The following NCAM1 variants were observed in gnomAD, a reference collection of about 807,000 sequenced individuals.
NCAM1 encodes antigen recognized by monoclonal antibody 5.1H11.
NCAM1 carries 14 observed loss-of-function variants against 109.8 expected under a neutral mutation model. The observed-to-expected ratio is 0.13, with a 90% CI of 0.08 to 0.20. The LOEUF (loss-of-function observed/expected upper bound fraction) is 0.20, where lower values mean the gene tolerates loss of function less well. Ranked by LOEUF, NCAM1 falls within the 10% of genes least tolerant of loss-of-function variation. NCAM1 has a pLI of 1.00. For missense variants in NCAM1, 774 were observed against 1,109.9 expected, an observed-to-expected ratio of 0.70 and a Z score of 4.30; for synonymous variants, 418 against 442.9, an observed-to-expected ratio of 0.94 and a Z score of 0.70.
intron 1 of NCAM1, among the ~76,000 whole-genome samples, chr11:112,976,304 A>T (rs1473998602): frequency 2.0e-5 from 3 of 151,932 alleles, no homozygotes; most frequent in Non-Finnish European, 4.4e-5. Context: ...ATTTAAAATG[A>T]TGAGTTCCAC....
In NCAM1 at chr11:113,270,386, C is replaced by T; in HGVS notation, c.2330C>T (p.Ala777Val). 6.2e-7 allele frequency: 1 copy of T among 1,613,990 alleles called. No individual in the cohort carries two copies. Among genetic ancestry groups the T allele is most frequent in the Non-Finnish European group, 8.5e-7 (1 of 1,179,882 alleles). ...GGCAAGGACATGGAGGAGGGCAAGGCCGCCTTCTCGTGAGTGCAGACCTGT... is the reference window on the plus strand; with the variant it reads ...GGCAAGGACATGGAGGAGGGCAAGGTCGCCTTCTCGTGAGTGCAGACCTGT... The part of the protein sequence containing the change: ...AKGKDMEEGK[A>V]AFSKDESKEP... The change falls in exon 18 of 20, where the codon GCC becomes GTC. Residue 777 changes from alanine to valine, a missense_variant. Around this residue, in one of 4 missense-constraint regions of NCAM1, gnomAD observed 122 missense variants for 129.7 expected, o/e 0.94. Transcript: ENST00000316851.
At chr11:113,219,492 C>G (rs948344899) in intron 8 of NCAM1, among the ~76,000 whole-genome samples, 1 of 152,210 alleles carries the variant, frequency 6.6e-6, no homozygotes, top group African/African-American at 2.4e-5. Context: ...CAACCTAGAA[C>G]AATTTTTGGA....
chr11:113,205,306 T>C (rs183608905), intron 3 of NCAM1, among the ~76,000 whole-genome samples: 1 of 152,240 alleles, frequency 6.6e-6, no homozygotes, highest in East Asian at 1.9e-4. Flanking sequence ...ATGTGATAAA[T>C]TTAGCACTCA....
intron 1 of NCAM1, among the ~76,000 whole-genome samples, chr11:113,198,918 C>T (rs782405686): frequency 1.3e-5 from 2 of 152,148 alleles, no homozygotes; most frequent in Non-Finnish European, 2.9e-5. Flanking sequence ...GCCTTTTTAT[C>T]ACTCAGAACT....
intron 1 of NCAM1, among the ~76,000 whole-genome samples, chr11:113,178,314 C>T (rs1205586560): frequency 5.3e-5 from 8 of 152,246 alleles, no homozygotes; most frequent in African/African-American, 9.6e-5. Flanking sequence ...GACACTCTCA[C>T]GTTACACCAC....
intron 1 of NCAM1, among the ~76,000 whole-genome samples, chr11:113,116,566 T>C (rs1940719535): frequency 6.6e-6 from 1 of 152,132 alleles, no homozygotes; most frequent in South Asian, 2.1e-4. Context: ...AGCTTTGGAG[T>C]TATTTAAATT....
At chr11:113,190,069 C>T (rs1158371925) in intron 1 of NCAM1, among the ~76,000 whole-genome samples, 3 of 152,104 alleles carry the variant, frequency 2.0e-5, no homozygotes, top group Admixed American at 2.0e-4. Flanking sequence ...ACTACTCCTA[C>T]CAGTGAACCA....
At chr11:113,255,735 A>T in intron 15 of NCAM1, 142 bp from the exon 16 acceptor site, 1 of 960,912 alleles carries the variant, frequency 1.0e-6, no homozygotes, top group Non-Finnish European at 1.5e-6. Context: ...ATTCAGTTTT[A>T]TATTTATTGC....
chr11:113,024,775 A>G (rs1404957937), intron 1 of NCAM1, among the ~76,000 whole-genome samples: 1 of 152,226 alleles, frequency 6.6e-6, no homozygotes, highest in East Asian at 1.9e-4. Flanking sequence ...AGAATCTGAA[A>G]TTAACCCCCT....
chr11:113,242,264 G>C (rs1945351036), intron 14 of NCAM1, among the ~76,000 whole-genome samples: 1 of 152,202 alleles, frequency 6.6e-6, no homozygotes, highest in Non-Finnish European at 1.5e-5. Context: ...CTGCATGAAA[G>C]TCATTTGTCA....
chr11:113,014,011 T>C (rs1272178026), intron 1 of NCAM1, among the ~76,000 whole-genome samples: 2 of 152,186 alleles, frequency 1.3e-5, no homozygotes, highest in Non-Finnish European at 2.9e-5. Context: ...TTTTTTTCCT[T>C]GTGACTTTTT....
chr11:113,264,633 C>G lies in NCAM1; in HGVS notation c.2131+4310C>G, dbSNP rs1946096651. 8 of 985,494 alleles carry G rather than the reference C, an allele frequency of 8.1e-6. No individual in the cohort carries two copies. In the South Asian group the frequency reaches 3.8e-4, roughly 46 times the overall value. The allele number at this position is 985,494 out of a possible 1,614,324, so 61.0% of individuals were successfully genotyped here. On this transcript the variant is annotated intron_variant, in intron 17 of 19. Coordinates refer to ENST00000316851, the MANE Select transcript of NCAM1 (RefSeq NM_181351.5). Reference sequence around the variant, plus strand: ...TCCTAGGAGGGCCCAGCTTGGGAGTCTGCCTCCCCCTGATCCCAGGACCAC... The same window carrying G: ...TCCTAGGAGGGCCCAGCTTGGGAGTGTGCCTCCCCCTGATCCCAGGACCAC...
At chr11:113,028,963 T>A (rs150882588) in intron 1 of NCAM1, among the ~76,000 whole-genome samples, 2,224 of 152,320 alleles carry the variant, frequency 0.015, 34 homozygotes, top group Middle Eastern at 0.061. Flanking sequence ...AGGTCATCTC[T>A]TAATGCTAAC....
intron 5 of NCAM1, among the ~76,000 whole-genome samples, chr11:113,206,744 A>G (rs1944251648): frequency 1.3e-5 from 2 of 152,164 alleles, no homozygotes; most frequent in African/African-American, 2.4e-5. Flanking sequence ...AACTCTCCCC[A>G]TCTCATTCCT....
At chr11:113,264,317 G>T in intron 17 of NCAM1, 1 of 985,326 alleles carries the variant, frequency 1.0e-6, no homozygotes, top group Non-Finnish European at 1.2e-6. Flanking sequence ...CCATGCTGTG[G>T]TCTGAGGGGC....
chr11:112,975,457 A>G (rs1555067505), intron 1 of NCAM1, among the ~76,000 whole-genome samples: 2 of 151,972 alleles, frequency 1.3e-5, no homozygotes, highest in Admixed American at 6.6e-5. Context: ...TTTTGTTTAT[A>G]CTTGTAATAT....
At chr11:113,009,797 T>C (rs946910503) in intron 1 of NCAM1, among the ~76,000 whole-genome samples, 3 of 152,144 alleles carry the variant, frequency 2.0e-5, no homozygotes. Context: ...TGGAAGACCC[T>C]GTTATTCATG....
intron 1 of NCAM1, among the ~76,000 whole-genome samples, chr11:113,023,410 G>C (rs1952449651): frequency 6.6e-6 from 1 of 152,114 alleles, no homozygotes; most frequent in Non-Finnish European, 1.5e-5. Context: ...TCATTCAGCT[G>C]CCTACCCACA....
intron 17 of NCAM1, chr11:113,264,352 C>T: frequency 1.0e-6 from 1 of 985,438 alleles, no homozygotes; most frequent in Non-Finnish European, 1.2e-6. Context: ...TGGCGCTCGC[C>T]ATTAATCCCC....
Sources: gnomAD v4.1 joint callset for allele counts (sites outside exome capture counted in the v4.1 genomes callset) on GRCh38, gnomAD v4.1.1 for gene constraint, gnomAD v4.1.1 regional missense constraint, MANE v1.5 for transcripts, NCBI Gene and HGNC (gene_info 2026-07-23, HGNC 2026-07-21) for gene names.